DCAF8: variants seen among roughly 807,000 people sequenced by gnomAD.
DCAF8 encodes DDB1 and CUL4 associated factor 8.
In DCAF8, 20 loss-of-function variants were observed where a neutral mutation model predicts 68.0. That is an observed-to-expected ratio of 0.29 (90% CI 0.21 to 0.43). DCAF8 has a LOEUF of 0.43. DCAF8 is among the 20% of genes least tolerant of loss of function. The pLI is 1.00. For synonymous variants in DCAF8, 230 were observed against 276.9 expected, an observed-to-expected ratio of 0.83 and a Z score of 1.68; for missense variants, 460 against 771.0, an observed-to-expected ratio of 0.60 and a Z score of 4.78.
At position 160,243,998 on chromosome 1, in the gene DCAF8, T is replaced by C. The variant is rs1473967773; in HGVS notation, c.11A>G (p.Lys4Arg). The change falls in exon 3 of 14, where the codon AAA (lysine) becomes AGA (arginine). Residue 4 changes from lysine (K) to arginine (R), a missense_variant. Physicochemically the swap from Lys to Arg is conservative, Grantham distance 26. Transcript: ENST00000368074. ...TGTTCTGCCATCTGTGCTGCTCCCT[T>C]TGCTGGACATCTTGAATGATGTTTG... MSS[K>R]GSSTDGRTDL... is the part of the protein sequence containing the mutation. 6.2e-7 allele frequency: 1 copy of C among 1,614,190 alleles called. No homozygotes were observed. The highest frequency in any genetic ancestry group is 8.5e-7 in the Non-Finnish European group (1 of 1,180,024).
intron 7 of DCAF8, among the ~76,000 whole-genome samples, chr1:160,229,796 C>T (rs1431614726): frequency 6.6e-6 from 1 of 152,146 alleles, no homozygotes; most frequent in Non-Finnish European, 1.5e-5. Flanking sequence ...CCAAGGCGGG[C>T]AGATCACCTG....
chr1:160,230,062 G>A (rs1655621194), intron 7 of DCAF8, among the ~76,000 whole-genome samples: 1 of 152,072 alleles, frequency 6.6e-6, no homozygotes, highest in South Asian at 2.1e-4. Flanking sequence ...AGGACTGTTG[G>A]TGACTAGAGG....
chr1:160,248,178 A>C (rs915509917), intron 2 of DCAF8, among the ~76,000 whole-genome samples: 5 of 152,052 alleles, frequency 3.3e-5, no homozygotes, highest in Non-Finnish European at 5.9e-5. Context: ...GTGGTGGCAC[A>C]TGCCCGTAGT....
At chr1:160,223,823 G>A (rs936240766) in intron 10 of DCAF8, among the ~76,000 whole-genome samples, 4 of 152,168 alleles carry the variant, frequency 2.6e-5, no homozygotes, top group African/African-American at 9.7e-5. Flanking sequence ...ACCTGAGCCC[G>A]GGAGGTTGAG....
intron 2 of DCAF8, among the ~76,000 whole-genome samples, chr1:160,255,261 C>G (rs992241493): frequency 2.6e-5 from 4 of 152,188 alleles, no homozygotes; most frequent in Non-Finnish European, 5.9e-5. Context: ...TATAAGCCTC[C>G]CTAAGTTTTT....
At position 160,217,068 on chromosome 1, in the gene DCAF8, AAATAG is replaced by A. The variant is rs1162672878; in HGVS notation, c.*519_*523del. On this transcript the variant is annotated 3_prime_UTR_variant, in exon 14 of 14. Transcript: ENST00000368074. ...TAGGGGCTTTAAGGACTTCCCAGGA[AAATAG>A]GATTCTGGGATGGGGTTGCTGGGGG... The A allele has an allele frequency of 6.6e-6, 1 of 152,416 alleles. No homozygotes were observed. The highest frequency in any genetic ancestry group is 2.4e-5 in the African/African-American group (1 of 41,400). 9.4% of individuals were successfully genotyped at this position (152,416 alleles called of 1,614,324 possible).
intron 5 of DCAF8, among the ~76,000 whole-genome samples, chr1:160,237,648 GC>G (rs1292569472): frequency 6.6e-6 from 1 of 151,808 alleles, no homozygotes; most frequent in Non-Finnish European, 1.5e-5. Flanking sequence ...CACCTCAGCT[GC>G]CCAAGTAGCT....
intron 3 of DCAF8, among the ~76,000 whole-genome samples, chr1:160,242,583 C>A (rs77862474): frequency 6.6e-6 from 1 of 152,164 alleles, no homozygotes; most frequent in Non-Finnish European, 1.5e-5. Context: ...GAGGGTATCA[C>A]AAGCTCATCA....
At position 160,240,351 on chromosome 1, in the gene DCAF8, T is replaced by A. The variant is rs761240699; in HGVS notation, c.69A>T (p.Pro23=). 6.2e-7 allele frequency: 1 copy of A among 1,611,924 alleles called. No individual in the cohort carries two copies. The highest frequency in any genetic ancestry group is 8.5e-7 in the Non-Finnish European group (1 of 1,179,202). ...CCTCTTCAGCTCCAGACATCTCCTC[T>A]GGACTGCTAGACAGGCTTCCTGCAT... ...DLANGSLSSS[P]EEMSGAEEGR... is the part of the protein sequence containing the mutation. Residue 23 remains proline (P), a synonymous_variant, in exon 4 of 14, where the codon CCA becomes CCT. Transcript: ENST00000368074.
chr1:160,245,781 CT>C (rs1490491598), intron 2 of DCAF8, among the ~76,000 whole-genome samples: 1 of 152,146 alleles, frequency 6.6e-6, no homozygotes, highest in African/African-American at 2.4e-5. Context: ...CTCAACAGTC[CT>C]TGTTTATATT....
intron 2 of DCAF8, among the ~76,000 whole-genome samples, chr1:160,250,962 A>G (rs1398804186): frequency 1.3e-5 from 2 of 152,122 alleles, no homozygotes; most frequent in Non-Finnish European, 2.9e-5. Flanking sequence ...CAACGTGTAA[A>G]TATTATTATT....
At chr1:160,252,415 G>A (rs752213319) in intron 2 of DCAF8, among the ~76,000 whole-genome samples, 4 of 152,160 alleles carry the variant, frequency 2.6e-5, no homozygotes, top group African/African-American at 4.8e-5. Context: ...GGATTTCAAC[G>A]GGTAGAGTTG....
intron 13 of DCAF8, 49 bp downstream of exon 13, chr1:160,218,275 C>A (rs1357923966): frequency 6.7e-7 from 1 of 1,483,386 alleles, no homozygotes; most frequent in East Asian, 2.3e-5. Context: ...CTTTTTAGCC[C>A]TCTTAAAAGG....
chr1:160,225,261 T>C, intron 8 of DCAF8, 142 bp from the exon 9 acceptor site: 1 of 815,978 alleles, frequency 1.2e-6, no homozygotes, highest in Admixed American at 2.7e-5. Context: ...GTACAACTGA[T>C]GAAACATGAC....
At chr1:160,233,040 T>C (rs907742183) in intron 6 of DCAF8, among the ~76,000 whole-genome samples, 1 of 152,122 alleles carries the variant, frequency 6.6e-6, no homozygotes, top group Non-Finnish European at 1.5e-5. Context: ...CAAGAAACTA[T>C]AGGAAGAGGC....
chr1:160,247,532 T>G (rs1656392756), intron 2 of DCAF8, among the ~76,000 whole-genome samples: 1 of 152,224 alleles, frequency 6.6e-6, no homozygotes, highest in South Asian at 2.1e-4. Context: ...AAGATCTGCA[T>G]AAGAGACTAC....
intron 11 of DCAF8, 93 bp downstream of exon 11, chr1:160,222,558 T>G: frequency 6.6e-7 from 1 of 1,526,618 alleles, no homozygotes; most frequent in Non-Finnish European, 9.0e-7. Context: ...CATGGTATCA[T>G]GTAGTCACAG....
At chr1:160,254,620 C>T (rs1656753431) in intron 2 of DCAF8, among the ~76,000 whole-genome samples, 1 of 151,884 alleles carries the variant, frequency 6.6e-6, no homozygotes, top group African/African-American at 2.4e-5. Flanking sequence ...GGTAAAACCC[C>T]ATTTCTACTA....
At chr1:160,257,383 AT>A in intron 2 of DCAF8, among the ~76,000 whole-genome samples, 1 of 152,350 alleles carries the variant, frequency 6.6e-6, no homozygotes, top group Admixed American at 6.5e-5. Context: ...TAATCTGGAT[AT>A]TTCCTAGACA....
Sources: gnomAD v4.1 joint callset for allele counts (sites outside exome capture counted in the v4.1 genomes callset) on GRCh38, gnomAD v4.1.1 for gene constraint, MANE v1.5 for transcripts, NCBI Gene and HGNC (gene_info 2026-07-23, HGNC 2026-07-21) for gene names.